Variants in SKAP2 observed in about 807,000 individuals in gnomAD.
SKAP2 encodes src kinase associated phosphoprotein 2.
Under a neutral mutation model 54.9 loss-of-function variants are expected in SKAP2, and 28 were observed. That is an observed-to-expected ratio of 0.51 (90% confidence interval 0.38 to 0.70). SKAP2 has a LOEUF of 0.70. Ranked by LOEUF, SKAP2 falls within the 30% of genes least tolerant of loss-of-function variation. The pLI, the probability that SKAP2 is intolerant of heterozygous loss-of-function variation, is 0.00. For missense variants in SKAP2, 356 were observed against 424.1 expected (o/e 0.84, Z 1.41); for synonymous variants, 137 against 134.3 (o/e 1.02, Z -0.14).
Position 26,669,338 on chromosome 7 carries a change from A to G in SKAP2, c.*328T>C, listed in dbSNP as rs1203868462. On this transcript the variant is annotated 3_prime_UTR_variant, in exon 13 of 13. Transcript: ENST00000345317. ...TCACACCAGAAGTAGCAATAGTAGCATACTATGCTATAGTAGACTATATGT... is the reference window on the plus strand; with the variant it reads ...TCACACCAGAAGTAGCAATAGTAGCGTACTATGCTATAGTAGACTATATGT... The G allele has an allele frequency of 6.6e-6, 1 of 152,204 alleles. No homozygotes were observed. The highest frequency in any genetic ancestry group is 1.5e-5 in the Non-Finnish European group (1 of 68,020). 9.4% of individuals were successfully genotyped at this position (152,204 alleles called of 1,614,324 possible). A position where few individuals can be genotyped will look rare whatever the true frequency, so the allele number is the denominator to read the frequency against.
chr7:26,757,935 G>T (rs1782833285), intron 4 of SKAP2, among the ~76,000 whole-genome samples: 1 of 152,110 alleles, frequency 6.6e-6, no homozygotes, highest in Non-Finnish European at 1.5e-5. Flanking sequence ...CTAATTTTTT[G>T]TATTTTTAAT....
At chr7:26,694,886 A>C (rs1454620786) in intron 9 of SKAP2, among the ~76,000 whole-genome samples, 1 of 152,160 alleles carries the variant, frequency 6.6e-6, no homozygotes, top group African/African-American at 2.4e-5. Context: ...TTATTACCCT[A>C]ATAGGGATTG....
chr7:26,725,357 AACAC>A (rs112271894), intron 9 of SKAP2, 67 bp downstream of exon 9: 10 of 1,115,354 alleles, frequency 9.0e-6, no homozygotes, highest in Non-Finnish European at 1.1e-5. Context: ...CACACACACA[AACAC>A]ACACACACAC....
intron 4 of SKAP2, among the ~76,000 whole-genome samples, chr7:26,809,418 GA>G (rs772320632): frequency 7.6e-4 from 94 of 122,900 alleles, no homozygotes; most frequent in Admixed American, 1.1e-3. Flanking sequence ...CGTTTCACAA[GA>G]AAAAAAAAAA....
At chr7:26,749,325 T>C (rs1019845469) in intron 4 of SKAP2, among the ~76,000 whole-genome samples, 1 of 152,192 alleles carries the variant, frequency 6.6e-6, no homozygotes, top group Non-Finnish European at 1.5e-5. Context: ...TAGTCTATAT[T>C]ATGCGCCAGG....
chr7:26,697,207 C>T lies in SKAP2; in HGVS notation c.797-6845G>A, dbSNP rs528110740. The stretch of plus-strand genomic sequence containing the variant: ...GTACCCTTCTCCCTGAAACTGCCTT[C>T]TGTGCACCGCAGACATTTCTGAAAA... On this transcript the variant is annotated intron_variant, in intron 9 of 12. Transcript: ENST00000345317. Among the ~76,000 whole-genome samples the T allele has an allele frequency of 5.9e-5, 9 of 152,288 alleles. No homozygotes were observed. In the East Asian group the frequency reaches 1.4e-3, roughly 23 times the overall value.
intron 4 of SKAP2, among the ~76,000 whole-genome samples, chr7:26,819,263 C>T (rs1335743386): frequency 6.6e-6 from 1 of 152,104 alleles, no homozygotes; most frequent in Non-Finnish European, 1.5e-5. Context: ...GAGTTCATGT[C>T]CTTTGCACGG....
chr7:26,760,055 T>C (rs989717778), intron 4 of SKAP2, among the ~76,000 whole-genome samples: 1 of 152,184 alleles, frequency 6.6e-6, no homozygotes, highest in Non-Finnish European at 1.5e-5. Flanking sequence ...GTTAAAGATA[T>C]AAAATAACAA....
chr7:26,726,621 T>A (rs1303641509), intron 7 of SKAP2: 2 of 292,560 alleles, frequency 6.8e-6, no homozygotes, highest in South Asian at 5.3e-5. Flanking sequence ...ACCTATGTTC[T>A]ATGCAACATG....
At chr7:26,812,185 TC>T (rs1784161008) in intron 4 of SKAP2, among the ~76,000 whole-genome samples, 4 of 152,154 alleles carry the variant, frequency 2.6e-5, no homozygotes, top group Admixed American at 2.0e-4. Flanking sequence ...TTCTTTTCCC[TC>T]TTTTGGGCTC....
intron 4 of SKAP2, among the ~76,000 whole-genome samples, chr7:26,785,543 T>C (rs1387476896): frequency 1.3e-5 from 2 of 152,236 alleles, no homozygotes; most frequent in African/African-American, 2.4e-5. Flanking sequence ...AAAGGGCATA[T>C]CACAAGAATA....
chr7:26,783,237 C>T (rs1312842000), intron 4 of SKAP2, among the ~76,000 whole-genome samples: 1 of 152,136 alleles, frequency 6.6e-6, no homozygotes, highest in Non-Finnish European at 1.5e-5. Context: ...GTCTCCTCTC[C>T]AAGTCAATCA....
At chr7:26,792,781 T>G (rs1460693259) in intron 4 of SKAP2, among the ~76,000 whole-genome samples, 1 of 152,216 alleles carries the variant, frequency 6.6e-6, no homozygotes, top group Admixed American at 6.5e-5. Flanking sequence ...TCTGAGCTAA[T>G]GACATCATTT....
rs112843409 is a variant in SKAP2, at chr7:26,687,908, A to G, written c.874+2377T>C. The stretch of plus-strand genomic sequence containing the variant: ...ATGGATTAATTTTCCTATTCTATCC[A>G]CATCATGATCTATATTTTAAAAATT... On this transcript the variant is annotated intron_variant, in intron 10 of 12. Coordinates refer to ENST00000345317, the MANE Select transcript of SKAP2 (RefSeq NM_003930.5). Among the ~76,000 whole-genome samples, 76 of 152,210 alleles carry G rather than the reference A, an allele frequency of 5.0e-4. 1 individual carries two copies. The highest frequency in any genetic ancestry group is 1.8e-3 in the African/African-American group (75 of 41,534).
intron 4 of SKAP2, among the ~76,000 whole-genome samples, chr7:26,741,086 T>A (rs935345552): frequency 6.6e-6 from 1 of 152,130 alleles, no homozygotes; most frequent in Non-Finnish European, 1.5e-5. Context: ...ATGGAATACA[T>A]CCAGTGGAAA....
intron 1 of SKAP2, among the ~76,000 whole-genome samples, chr7:26,860,179 C>T (rs1279139939): frequency 1.3e-5 from 2 of 152,038 alleles, no homozygotes; most frequent in African/African-American, 4.8e-5. Flanking sequence ...AAAAACTGTA[C>T]GTAGTATCAA....
chr7:26,684,108 T>G (rs1786575149), intron 11 of SKAP2, among the ~76,000 whole-genome samples: 1 of 152,050 alleles, frequency 6.6e-6, no homozygotes, highest in Non-Finnish European at 1.5e-5. Context: ...TTCTGAATAA[T>G]CCAGTATTTT....
intron 4 of SKAP2, among the ~76,000 whole-genome samples, chr7:26,747,249 TATG>T (rs1162285957): frequency 6.6e-6 from 1 of 152,192 alleles, no homozygotes; most frequent in African/African-American, 2.4e-5. Flanking sequence ...CTAAGCCTAT[TATG>T]ATATTTCTTT....
chr7:26,681,378 C>T (rs554510154), intron 11 of SKAP2, among the ~76,000 whole-genome samples: 7 of 152,204 alleles, frequency 4.6e-5, no homozygotes, highest in African/African-American at 1.4e-4. Flanking sequence ...TGGGAGGCAG[C>T]GGTTGCGGTG....
Sources: allele counts gnomAD v4.1 joint callset (sites outside exome capture counted in the v4.1 genomes callset), GRCh38; gene constraint gnomAD v4.1.1; transcripts MANE v1.5; gene names NCBI Gene and HGNC (gene_info 2026-07-23, HGNC 2026-07-21).